DNM3: variants seen among roughly 807,000 people sequenced by gnomAD.
DNM3 encodes dynamin-3.
Under a neutral mutation model 101.6 loss-of-function variants are expected in DNM3, and 47 were observed. The observed-to-expected ratio is 0.46, with a 90% CI of 0.37 to 0.59. The LOEUF (loss-of-function observed/expected upper bound fraction) is 0.59, where lower values mean the gene tolerates loss of function less well. Ranked by LOEUF, DNM3 falls within the 20% of genes least tolerant of loss-of-function variation. The pLI, the probability that DNM3 is intolerant of heterozygous loss-of-function variation, is 0.00. For synonymous variants in DNM3, 385 were observed against 387.9 expected, an observed-to-expected ratio of 0.99 and a Z score of 0.09; for missense variants, 849 against 1,085.7, an observed-to-expected ratio of 0.78 and a Z score of 3.06.
chr1:171,965,771 T>C lies in DNM3; in HGVS notation c.236-21885T>C, dbSNP rs149755440. On this transcript the variant is annotated intron_variant, in intron 2 of 20. Coordinates refer to ENST00000627582, the MANE Select transcript of DNM3 (RefSeq NM_015569.5). ...AGAGTTTTTATGGAGGTTCATTATA[T>C]AGATGTGATTGATTAAATCATTGGC... Among the ~76,000 whole-genome samples, 6 of 152,262 alleles carry C rather than the reference T, an allele frequency of 3.9e-5. No homozygotes were observed. In the East Asian group the frequency reaches 9.7e-4, roughly 25 times the overall value.
At chr1:172,121,138 T>C (rs2056289498) in intron 13 of DNM3, among the ~76,000 whole-genome samples, 1 of 152,190 alleles carries the variant, frequency 6.6e-6, no homozygotes, top group Non-Finnish European at 1.5e-5. Flanking sequence ...TTTTGTATCA[T>C]TTGGAATCCC....
intron 17 of DNM3, among the ~76,000 whole-genome samples, chr1:172,351,432 A>C (rs2148984745): frequency 6.6e-6 from 1 of 152,278 alleles, no homozygotes; most frequent in South Asian, 2.1e-4. Flanking sequence ...TAGCAATAAG[A>C]ATTTAGCACT....
intron 2 of DNM3, among the ~76,000 whole-genome samples, chr1:171,973,664 TC>T (rs2044172362): frequency 6.6e-6 from 1 of 150,624 alleles, no homozygotes; most frequent in Admixed American, 6.6e-5. Context: ...TGGGTCTGAC[TC>T]CAAAATCTTT....
intron 1 of DNM3, among the ~76,000 whole-genome samples, chr1:171,870,715 A>C (rs537575632): frequency 6.6e-6 from 1 of 152,188 alleles, no homozygotes; most frequent in Non-Finnish European, 1.5e-5. Context: ...ATGACACAAA[A>C]CAATAAAAAA....
intron 17 of DNM3, among the ~76,000 whole-genome samples, chr1:172,339,617 C>T (rs2066599968): frequency 6.6e-6 from 1 of 152,186 alleles, no homozygotes; most frequent in Non-Finnish European, 1.5e-5. Flanking sequence ...TTCAGTGTGT[C>T]TGCCTAGATC....
chr1:172,004,082 A>G (rs778132914), intron 4 of DNM3, among the ~76,000 whole-genome samples: 5 of 152,144 alleles, frequency 3.3e-5, no homozygotes, highest in Admixed American at 6.6e-5. Context: ...AGAGTTGAGG[A>G]TATTGGCAAA....
At chr1:172,027,617 C>CACACACACACACACACAGAGAG (rs34981346) in intron 4 of DNM3, among the ~76,000 whole-genome samples, 46 of 147,124 alleles carry the variant, frequency 3.1e-4, no homozygotes, top group African/African-American at 1.1e-3. Context: ...CACACACACA[C>CACACACACACACACACAGAGAG]AGAGAGAGAG....
At chr1:172,035,676 G>A (rs547518686) in intron 6 of DNM3, among the ~76,000 whole-genome samples, 1 of 152,254 alleles carries the variant, frequency 6.6e-6, no homozygotes, top group Admixed American at 6.5e-5. Context: ...AGTTCACATG[G>A]CAATCAGTTG....
At chr1:172,304,871 G>T (rs1010237487) in intron 15 of DNM3, among the ~76,000 whole-genome samples, 3 of 152,054 alleles carry the variant, frequency 2.0e-5, no homozygotes, top group African/African-American at 4.8e-5. Context: ...TCTCTGGGAC[G>T]CATTTAAAGC....
chr1:171,944,121 A>G lies in DNM3; in HGVS notation c.235+22300A>G, dbSNP rs531303252. Among the ~76,000 whole-genome samples, 55 of 152,312 alleles carry G rather than the reference A, an allele frequency of 3.6e-4. No homozygotes were observed. In the South Asian group the frequency reaches 0.011, roughly 32 times the overall value. ...TACTGTGAAAGCAGCCACAGACAATATATAAATGAATGGGTCTGGCTTTGT... is the reference window on the plus strand; with the variant it reads ...TACTGTGAAAGCAGCCACAGACAATGTATAAATGAATGGGTCTGGCTTTGT... On this transcript the variant is annotated intron_variant, in intron 2 of 20. Coordinates refer to ENST00000627582, the MANE Select transcript of DNM3 (RefSeq NM_015569.5).
chr1:172,130,050 G>A (rs1193645321), intron 13 of DNM3, among the ~76,000 whole-genome samples: 1 of 152,078 alleles, frequency 6.6e-6, no homozygotes, highest in Non-Finnish European at 1.5e-5. Context: ...GAGAACCGTG[G>A]TCTATTCCAT....
intron 14 of DNM3, among the ~76,000 whole-genome samples, chr1:172,234,954 A>T (rs370600964): frequency 6.6e-6 from 1 of 152,170 alleles, no homozygotes; most frequent in East Asian, 1.9e-4. Flanking sequence ...GGACTTCATG[A>T]CTAAAACACC....
chr1:172,349,115 C>G (rs2067084877), intron 17 of DNM3, among the ~76,000 whole-genome samples: 1 of 152,188 alleles, frequency 6.6e-6, no homozygotes, highest in Non-Finnish European at 1.5e-5. Flanking sequence ...TTGCACTTCT[C>G]TAGGCTTCTT....
chr1:172,094,567 G>A (rs1406883184), intron 13 of DNM3, among the ~76,000 whole-genome samples: 1 of 152,124 alleles, frequency 6.6e-6, no homozygotes, highest in African/African-American at 2.4e-5. Flanking sequence ...GCTCAGCTGT[G>A]TGATGAGAGG....
chr1:171,917,365 A>AT (rs1229789212), intron 1 of DNM3, among the ~76,000 whole-genome samples: 2 of 152,176 alleles, frequency 1.3e-5, no homozygotes, highest in Non-Finnish European at 2.9e-5. Flanking sequence ...TAGTGGAGCA[A>AT]TAACTATATT....
intron 14 of DNM3, among the ~76,000 whole-genome samples, chr1:172,155,689 G>T (rs773996902): frequency 6.6e-6 from 1 of 151,970 alleles, no homozygotes; most frequent in Non-Finnish European, 1.5e-5. Context: ...TTTATCAGAC[G>T]CCTGTGATGT....
chr1:172,347,199 C>CG (rs1438559178), intron 17 of DNM3, among the ~76,000 whole-genome samples: 1 of 147,398 alleles, frequency 6.8e-6, no homozygotes, highest in African/African-American at 2.6e-5. Context: ...CAGAAGCCCC[C>CG]CCCGCCAAAA....
intron 14 of DNM3, among the ~76,000 whole-genome samples, chr1:172,164,128 T>C (rs573425903): frequency 6.6e-6 from 1 of 152,094 alleles, no homozygotes; most frequent in South Asian, 2.1e-4. Flanking sequence ...GAAAGTACAG[T>C]TGAAAACAAC....
At chr1:172,416,680 G>T (rs2071436198), downstream of DNM3, among the ~76,000 whole-genome samples, 1 of 152,172 alleles carries the variant, frequency 6.6e-6, no homozygotes, top group Non-Finnish European at 1.5e-5. Flanking sequence ...CCCTGCTGAG[G>T]TCATTAAAGT....
Sources: gnomAD v4.1 joint callset for allele counts (sites outside exome capture counted in the v4.1 genomes callset) on GRCh38, gnomAD v4.1.1 for gene constraint, MANE v1.5 for transcripts, NCBI Gene and HGNC (gene_info 2026-07-23, HGNC 2026-07-21) for gene names.